The following ZNF292 variants were observed in gnomAD, a reference collection of about 807,000 sequenced individuals.
The protein encoded by ZNF292 is zinc finger protein 292.
A neutral mutation model predicts 217.9 loss-of-function variants in ZNF292; 26 were observed. That is an observed-to-expected ratio of 0.12 (90% CI 0.09 to 0.17). The LOEUF (loss-of-function observed/expected upper bound fraction) is 0.17, where lower values mean the gene tolerates loss of function less well. ZNF292 is among the 10% of genes least tolerant of loss of function. ZNF292 has a pLI of 1.00. For synonymous variants in ZNF292, 1,257 were observed against 1,124.1 expected (o/e 1.12, Z -2.37); for missense variants, 2,904 against 3,175.2 (o/e 0.91, Z 2.05).
chr6:87,261,345 A>G lies in ZNF292; in HGVS notation c.7716A>G (p.Gln2572=), dbSNP rs1445994788. ...AAGAAGAAACTGCTGTTGCCATTCAAACCATTGAGGAGCATCCTGCATCTT... is the reference window on the plus strand; with the variant it reads ...AAGAAGAAACTGCTGTTGCCATTCAGACCATTGAGGAGCATCCTGCATCTT... The part of the protein sequence containing the change: ...RKEEETAVAI[Q]TIEEHPASFD... The change falls in exon 8 of 8, where the codon CAA becomes CAG. Residue 2572 remains glutamine, a synonymous_variant. Coordinates refer to ENST00000369577, the MANE Select transcript of ZNF292 (RefSeq NM_015021.3). 4 of 1,613,470 alleles carry G rather than the reference A, an allele frequency of 2.5e-6. No homozygotes were observed. The highest frequency in any genetic ancestry group is 3.4e-6 in the Non-Finnish European group (4 of 1,179,678).
rs111558180 is a variant in ZNF292 at position 87,182,130 on chromosome 6, T to C, written c.168+26371T>C. ...TTGGGTCACTGCTAGTCCATGGTAA[T>C]TAGCTTTGTTATTAAAAAATATCAT... is the stretch of plus-strand genomic sequence containing the variant. On this transcript the variant is annotated intron_variant, in intron 1 of 7. Coordinates refer to ENST00000369577, the MANE Select transcript of ZNF292 (RefSeq NM_015021.3). Among the ~76,000 whole-genome samples the C allele has an allele frequency of 3.6e-3, 553 of 152,290 alleles. 2 individuals carry two copies. Among genetic ancestry groups the C allele is most frequent in the African/African-American group, 0.013 (532 of 41,550 alleles).
intron 1 of ZNF292, among the ~76,000 whole-genome samples, chr6:87,204,883 C>T (rs1319356935): frequency 3.3e-5 from 5 of 151,908 alleles, no homozygotes; most frequent in Admixed American, 1.3e-4. Context: ...ATTTTTAAAT[C>T]GCTGTGTATG....
At chr6:87,193,557 T>C (rs1267343395) in intron 1 of ZNF292, among the ~76,000 whole-genome samples, 1 of 146,656 alleles carries the variant, frequency 6.8e-6, no homozygotes. Context: ...AAAAGAAAAA[T>C]GCAGGCGCAA....
chr6:87,239,449 CACCT>C, intron 5 of ZNF292, among the ~76,000 whole-genome samples: 2 of 146,610 alleles, frequency 1.4e-5, no homozygotes, highest in African/African-American at 5.5e-5. Flanking sequence ...GGCTGCCCCC[CACCT>C]ACCTCCCGGA....
In ZNF292 at chr6:87,265,499, C is replaced by T. The variant is rs1775778993; in HGVS notation, c.*3698C>T. ...CCTCCCAAAGTGCAGGTATTACAAG[C>T]ATGAGCCACCACACCCAGCCTCTCT... On this transcript the variant is annotated 3_prime_UTR_variant, in exon 8 of 8. Coordinates refer to ENST00000369577, the MANE Select transcript of ZNF292 (RefSeq NM_015021.3). Among the ~76,000 whole-genome samples the T allele has an allele frequency of 6.6e-6, 1 of 152,124 alleles. No individual in the cohort carries two copies. The highest frequency in any genetic ancestry group is 6.5e-5 in the Admixed American group (1 of 15,274).
chr6:87,191,289 A>T (rs1291239154), intron 1 of ZNF292, among the ~76,000 whole-genome samples: 1 of 151,164 alleles, frequency 6.6e-6, no homozygotes. Flanking sequence ...ATGAGCTTAA[A>T]AAAAAAAATC....
In ZNF292 at chr6:87,260,971, G is replaced by A. The variant is rs757705935; in HGVS notation, c.7342G>A (p.Val2448Met). 8 of 1,609,428 alleles carry A rather than the reference G, an allele frequency of 5.0e-6. No individual in the cohort carries two copies. The highest frequency in any genetic ancestry group is 4.4e-5 in the South Asian group (4 of 90,402). Reference protein sequence around the residue: ...TSEQEGAKNDVKDSDTCVSES... With the variant: ...TSEQEGAKNDMKDSDTCVSES... ...TGAGCAAGAAGGTGCTAAGAATGAT[G>A]TGAAAGATTCTGACACGTGTGTATC... The change falls in exon 8 of 8, where the codon GTG becomes ATG. Residue 2448 changes from valine to methionine, a missense_variant. Physicochemically the swap from Val to Met is conservative, Grantham distance 21. This residue lies in a region of ZNF292 where 380 missense variants were observed against 355.3 expected (regional missense o/e 1.07). Transcript: ENST00000369577.
Position 87,245,533 on chromosome 6 carries a change from A to G in ZNF292, c.909A>G (p.Gln303=), listed in dbSNP as rs1309561033. 3 of 1,534,964 alleles carry G rather than the reference A, an allele frequency of 2.0e-6. No homozygotes were observed. The highest frequency in any genetic ancestry group is 2.4e-5 in the Admixed American group (1 of 41,466). ...WELTLFWSKL[Q]QRVEPSIQVY... is the part of the protein sequence containing the mutation. Reference sequence around the variant, plus strand: ...TTACTCTCTTTTGGAGTAAATTACAACAAAGAGTAGAACCATCTATACAAG... The same window carrying G: ...TTACTCTCTTTTGGAGTAAATTACAGCAAAGAGTAGAACCATCTATACAAG... Residue 303 remains glutamine (Q), a synonymous_variant, in exon 7 of 8, where the codon CAA becomes CAG. Coordinates refer to ENST00000369577, the MANE Select transcript of ZNF292 (RefSeq NM_015021.3).
chr6:87,256,525 C>G lies in ZNF292; in HGVS notation c.2896C>G (p.Leu966Val), dbSNP rs1416205444. 1.9e-6 allele frequency: 3 copies of G among 1,613,130 alleles called. No individual in the cohort carries two copies. Among genetic ancestry groups the G allele is most frequent in the African/African-American group, 1.3e-5 (1 of 75,064 alleles). Residue 966 changes from leucine (L) to valine (V), a missense_variant, in exon 8 of 8, where the codon CTG (leucine) becomes GTG (valine). Transcript: ENST00000369577. ...NSTVEGSGEALVTDLHTPVED... is the reference protein window; with the variant it reads ...NSTVEGSGEAVVTDLHTPVED... ...AACTGTGGAAGGCAGTGGTGAAGCA[C>G]TGGTCACAGACTTACATACGCCAGT...
chr6:87,164,219 T>C (rs1770841736), intron 1 of ZNF292, among the ~76,000 whole-genome samples: 1 of 152,178 alleles, frequency 6.6e-6, no homozygotes, highest in African/African-American at 2.4e-5. Context: ...CATTCATATG[T>C]CTGGTGGTTG....
At chr6:87,234,524 A>C (rs1582468190) in intron 5 of ZNF292, among the ~76,000 whole-genome samples, 1 of 151,298 alleles carries the variant, frequency 6.6e-6, no homozygotes, top group South Asian at 2.1e-4. Context: ...ATGCCACTGC[A>C]CTCCAGCCTG....
intron 1 of ZNF292, among the ~76,000 whole-genome samples, chr6:87,199,418 T>C (rs1772046485): frequency 6.6e-6 from 1 of 152,082 alleles, no homozygotes; most frequent in African/African-American, 2.4e-5. Flanking sequence ...TTTATAAACA[T>C]TTTTTTCTCA....
chr6:87,239,449 C>A (rs1774101629), intron 5 of ZNF292, among the ~76,000 whole-genome samples: 2 of 146,610 alleles, frequency 1.4e-5, no homozygotes, highest in Non-Finnish European at 3.0e-5. Context: ...GGCTGCCCCC[C>A]ACCTACCTCC....
chr6:87,182,044 G>T (rs1405315537), intron 1 of ZNF292, among the ~76,000 whole-genome samples: 1 of 152,078 alleles, frequency 6.6e-6, no homozygotes, highest in Non-Finnish European at 1.5e-5. Context: ...TTATCCTTGT[G>T]CTTGAAAACT....
At position 87,194,363 on chromosome 6, in the gene ZNF292, GA is replaced by G. The variant is rs531134379; in HGVS notation, c.169-21532del. ...GAAATTTAATATTTATGTAAAATTA[GA>G]AAAAAAAGTTCAAATTAATGAAGCA... On this transcript the variant is annotated intron_variant, in intron 1 of 7. Transcript: ENST00000369577. 2.5e-3 allele frequency among the ~76,000 whole-genome samples: 382 copies of G among 151,548 alleles called. 1 individual carries two copies. The highest frequency in any genetic ancestry group is 4.2e-3 in the Non-Finnish European group (287 of 67,836).
rs1217636393 is a variant in ZNF292 at position 87,185,610 on chromosome 6, G to C, written c.168+29851G>C. Among the ~76,000 whole-genome samples, 10 of 152,016 alleles carry C rather than the reference G, an allele frequency of 6.6e-5. No individual in the cohort carries two copies. In the East Asian group the frequency reaches 1.9e-3, roughly 29 times the overall value. ...TCCTCCCACCTCAGCTGGGACTACA[G>C]GTGCGTGCCATCACACCCAACTAAT... On this transcript the variant is annotated intron_variant, in intron 1 of 7. Transcript: ENST00000369577.
intron 1 of ZNF292, among the ~76,000 whole-genome samples, chr6:87,164,414 A>G (rs1308022709): frequency 1.3e-5 from 2 of 152,150 alleles, no homozygotes; most frequent in African/African-American, 4.8e-5. Flanking sequence ...GCTACTGCCA[A>G]TTAAGTGGTC....
chr6:87,220,406 G>T (rs146996286), intron 4 of ZNF292, among the ~76,000 whole-genome samples: 1 of 152,122 alleles, frequency 6.6e-6, no homozygotes, highest in Non-Finnish European at 1.5e-5. Flanking sequence ...CTGTTTTTCA[G>T]ATGAGAAAAT....
At chr6:87,219,993 G>A (rs1301458711) in intron 4 of ZNF292, among the ~76,000 whole-genome samples, 1 of 151,886 alleles carries the variant, frequency 6.6e-6, no homozygotes, top group East Asian at 1.9e-4. Flanking sequence ...GCTAGTTTTT[G>A]TATTTTTATT....
Sources: allele counts gnomAD v4.1 joint callset (sites outside exome capture counted in the v4.1 genomes callset), GRCh38; gene constraint gnomAD v4.1.1; regional missense constraint gnomAD v4.1.1; transcripts MANE v1.5; gene names NCBI Gene and HGNC (gene_info 2026-07-23, HGNC 2026-07-21).